SLCO4C1: variants seen among roughly 807,000 people sequenced by gnomAD.
SLCO4C1 encodes the protein solute carrier organic anion transporter family member 4C1, also known as organic anion transporter M1.
SLCO4C1 carries 58 observed loss-of-function variants against 72.1 expected under a neutral mutation model. The ratio of observed to expected loss-of-function variants is 0.80; its 90% CI spans 0.65 to 1.00. The LOEUF is 1.00. Among genes scored for constraint, SLCO4C1 ranks in the 50% least tolerant of loss-of-function variants. The pLI, the probability that SLCO4C1 is intolerant of heterozygous loss-of-function variation, is 0.00. For missense variants in SLCO4C1, 898 were observed against 857.9 expected (o/e 1.05, Z -0.58); for synonymous variants, 297 against 312.5 (o/e 0.95, Z 0.52).
In SLCO4C1 at chr5:102,260,326, AAAAAAT is replaced by A. The variant is rs1200568089; in HGVS notation, c.1022-13_1022-8del. 3.2e-5 allele frequency: 12 copies of A among 372,896 alleles called. No individual in the cohort carries two copies. The highest frequency in any genetic ancestry group is 1.4e-4 in the African/African-American group (2 of 14,112). 23.1% of individuals were successfully genotyped at this position (372,896 alleles called of 1,614,324 possible). ...GCTTGAATTTCTGCTGTACCTAAAA[AAAAAAT>A]ATATATATATATATAATATATATAT... is the stretch of plus-strand genomic sequence containing the variant. On this transcript the variant is annotated splice_polypyrimidine_tract_variant and splice_region_variant and intron_variant, in intron 5 of 12. Coordinates refer to ENST00000310954, the MANE Select transcript of SLCO4C1 (RefSeq NM_180991.5).
Position 102,291,330 on chromosome 5 carries a change from A to C in SLCO4C1, c.619+13T>G. 6.2e-7 allele frequency: 1 copy of C among 1,608,128 alleles called. No homozygotes were observed. Among genetic ancestry groups the C allele is most frequent in the Non-Finnish European group, 8.5e-7 (1 of 1,178,278 alleles). On this transcript the variant is annotated intron_variant, in intron 2 of 12. Coordinates refer to ENST00000310954, the MANE Select transcript of SLCO4C1 (RefSeq NM_180991.5). ...TTCAGATTAAAACAAACATAAACAC[A>C]ATAGAAACTTACCTTCAAAAAGAGA...
At position 102,291,627 on chromosome 5, in the gene SLCO4C1, T is replaced by A. The variant is rs573599864; in HGVS notation, c.356-21A>T. 2.5e-6 allele frequency: 4 copies of A among 1,570,494 alleles called. No homozygotes were observed. In the South Asian group the frequency reaches 3.5e-5, roughly 14 times the overall value. ...AATACCTAAAAAACAGAAAAGTTGATGTGCATCATTAATATTTTACCATAC... is the reference window on the plus strand; with the variant it reads ...AATACCTAAAAAACAGAAAAGTTGAAGTGCATCATTAATATTTTACCATAC... On this transcript the variant is annotated intron_variant, in intron 1 of 12. Transcript: ENST00000310954.
At position 102,237,031 on chromosome 5, in the gene SLCO4C1, A is replaced by G; in HGVS notation, c.2015-13T>C. 2 of 1,559,460 alleles carry G rather than the reference A, an allele frequency of 1.3e-6. No homozygotes were observed. Among genetic ancestry groups the G allele is most frequent in the Non-Finnish European group, 1.7e-6 (2 of 1,161,900 alleles). On this transcript the variant is annotated splice_polypyrimidine_tract_variant and intron_variant, in intron 12 of 12. Coordinates refer to ENST00000310954, the MANE Select transcript of SLCO4C1 (RefSeq NM_180991.5). ...TTACAAGTAACACCTAAGTGAAAAA[A>G]AAAATTAATCATGTGCTTTTGTTTT...
rs1421883902 is a variant in SLCO4C1 at position 102,261,991 on chromosome 5, C to T, written c.942G>A (p.Trp314Ter). Residue 314 changes from tryptophan (W) to a stop codon, truncating the protein, a stop_gained, in exon 5 of 13, where the codon TGG becomes TGA. Coordinates refer to ENST00000310954, the MANE Select transcript of SLCO4C1 (RefSeq NM_180991.5). LOFTEE classifies it high-confidence loss of function. ...TEDDPRWLGA[W>*]WIGFLLSWIF... ...TCCATGATAGAAGAAACCCAATCCACCAAGCTCCCAACCATCGCGGATCAT... is the reference window on the plus strand; with the variant it reads ...TCCATGATAGAAGAAACCCAATCCATCAAGCTCCCAACCATCGCGGATCAT... The T allele has an allele frequency of 6.2e-7, 1 of 1,613,052 alleles. No individual in the cohort carries two copies. Among genetic ancestry groups the T allele is most frequent in the Admixed American group, 1.7e-5 (1 of 59,924 alleles).
intron 6 of SLCO4C1, 32 bp downstream of exon 6, chr5:102,260,181 T>TGA (rs60433166): frequency 0.72 from 497,140 of 688,628 alleles, 181,137 homozygotes; most frequent in African/African-American, 0.89. Flanking sequence ...TGTATGAGAC[T>TGA]GAGAGAGAGA....
intron 2 of SLCO4C1, among the ~76,000 whole-genome samples, chr5:102,282,800 T>C (rs1021659475): frequency 1.3e-5 from 2 of 152,016 alleles, no homozygotes; most frequent in African/African-American, 4.8e-5. Flanking sequence ...TGTATGACAA[T>C]ATACGTATGA....
chr5:102,263,897 T>C, intron 3 of SLCO4C1, 117 bp from the exon 4 acceptor site: 1 of 706,706 alleles, frequency 1.4e-6, no homozygotes, highest in Non-Finnish European at 2.3e-6. Context: ...CATATCAAAA[T>C]CACACATATT....
chr5:102,287,898 A>G (rs1043865513), intron 2 of SLCO4C1, among the ~76,000 whole-genome samples: 1 of 152,004 alleles, frequency 6.6e-6, no homozygotes, highest in Non-Finnish European at 1.5e-5. Context: ...AAATGTCTGA[A>G]TTCCTTTAAA....
chr5:102,276,184 A>C (rs1279458523), intron 2 of SLCO4C1, among the ~76,000 whole-genome samples: 2 of 152,192 alleles, frequency 1.3e-5, no homozygotes, highest in African/African-American at 2.4e-5. Context: ...TGAATAGTAA[A>C]TATTGGCCCT....
Position 102,291,556 on chromosome 5 carries a change from G to T in SLCO4C1, c.406C>A (p.Arg136Ser). The T allele has an allele frequency of 6.2e-7, 1 of 1,613,782 alleles. No homozygotes were observed. Among genetic ancestry groups the T allele is most frequent in the Non-Finnish European group, 8.5e-7 (1 of 1,179,822 alleles). Residue 136 changes from arginine to serine, a missense_variant, in exon 2 of 13, where the codon CGT becomes AGT. By Grantham distance (110) the Arg-to-Ser change is moderately radical. Transcript: ENST00000310954. ...GTCAGGGAACTCTTCATTTCATAAC[G>T]CTTCTCAACAGTGGAAATGCTAATA... Reference protein sequence around the residue: ...VNISISTVEKRYEMKSSLTGL... With the variant: ...VNISISTVEKSYEMKSSLTGL...
At chr5:102,261,461 T>A (rs370863376) in intron 5 of SLCO4C1, among the ~76,000 whole-genome samples, 23 of 131,058 alleles carry the variant, frequency 1.8e-4, no homozygotes, top group African/African-American at 3.8e-4. Context: ...TCACATACAG[T>A]AAAAAAAAAA....
chr5:102,236,804 C>T lies in SLCO4C1; in HGVS notation c.*54G>A, dbSNP rs1484232330. 3.2e-5 allele frequency: 50 copies of T among 1,556,406 alleles called. 1 individual carries two copies. The highest frequency in any genetic ancestry group is 1.7e-4 in the Middle Eastern group (1 of 5,952). ...TAATCCTGCCATGGCAATGTGTGTT[C>T]TTAAAAATCGAGGTAAATTTTCCAG... On this transcript the variant is annotated 3_prime_UTR_variant, in exon 13 of 13. Coordinates refer to ENST00000310954, the MANE Select transcript of SLCO4C1 (RefSeq NM_180991.5).
chr5:102,255,241 C>T (rs773984571), intron 8 of SLCO4C1, among the ~76,000 whole-genome samples: 11 of 152,250 alleles, frequency 7.2e-5, no homozygotes, highest in African/African-American at 2.2e-4. Context: ...CCAACCCCTA[C>T]GTGAACCTCA....
intron 5 of SLCO4C1, among the ~76,000 whole-genome samples, chr5:102,261,399 G>A (rs1447160672): frequency 1.3e-5 from 2 of 151,844 alleles, no homozygotes; most frequent in Non-Finnish European, 2.9e-5. Context: ...GCAACAGAGG[G>A]AGACTCTGTC....
Position 102,296,203 on chromosome 5 carries a change from C to T in SLCO4C1, c.60G>A (p.Leu20=), listed in dbSNP as rs1749650800. The part of the protein sequence containing the change: ...LAFVPSSPDI[L]RRLSASPSQI... The stretch of plus-strand genomic sequence containing the variant: ...GGGAGGGCGACGCAGACAAGCGGCG[C>T]AGGATGTCTGGGCTGGAGGGGACAA... Residue 20 remains leucine (L), a synonymous_variant, in exon 1 of 13, where the codon CTG becomes CTA. Transcript: ENST00000310954. The T allele has an allele frequency of 6.2e-7, 1 of 1,602,334 alleles. No individual in the cohort carries two copies. Among genetic ancestry groups the T allele is most frequent in the African/African-American group, 1.3e-5 (1 of 74,356 alleles).
intron 8 of SLCO4C1, among the ~76,000 whole-genome samples, chr5:102,256,801 T>C (rs1223494921): frequency 2.6e-5 from 4 of 152,206 alleles, no homozygotes; most frequent in African/African-American, 9.6e-5. Flanking sequence ...TAAAAGCATA[T>C]AATGTGAAAT....
At chr5:102,266,506 C>T (rs901306196) in intron 3 of SLCO4C1, among the ~76,000 whole-genome samples, 15 of 151,960 alleles carry the variant, frequency 9.9e-5, no homozygotes, top group African/African-American at 3.4e-4. Context: ...AAAAATTAGC[C>T]AGGTGTGGTG....
chr5:102,249,600 AT>A (rs775799746), intron 9 of SLCO4C1, 37 bp downstream of exon 9: 169 of 1,609,606 alleles, frequency 1.0e-4, no homozygotes, highest in Non-Finnish European at 4.5e-5. Flanking sequence ...CCACAAACAT[AT>A]TGCCTCATTA....
chr5:102,258,672 T>C (rs1313912802), intron 6 of SLCO4C1, among the ~76,000 whole-genome samples: 1 of 152,026 alleles, frequency 6.6e-6, no homozygotes, highest in African/African-American at 2.4e-5. Flanking sequence ...TTAATACATT[T>C]AACCACAAAA....
Sources: allele counts gnomAD v4.1 joint callset (sites outside exome capture counted in the v4.1 genomes callset), GRCh38; gene constraint gnomAD v4.1.1; transcripts MANE v1.5; gene names NCBI Gene and HGNC (gene_info 2026-07-23, HGNC 2026-07-21).